The following CLDN16 variants were observed in gnomAD, a reference collection of about 807,000 sequenced individuals.
CLDN16 encodes claudin-16.
In CLDN16, 13 loss-of-function variants were observed where a neutral mutation model predicts 24.6. That is an observed-to-expected ratio of 0.53 (90% CI 0.34 to 0.84). The LOEUF is 0.84. Ranked by LOEUF, CLDN16 falls within the 40% of genes least tolerant of loss-of-function variation. The probability of loss-of-function intolerance (pLI) is 0.01; values close to 1 mark genes in which losing one functional copy is unlikely to be tolerated. For synonymous variants in CLDN16, 116 were observed against 106.7 expected, an observed-to-expected ratio of 1.09 and a Z score of -0.54; for missense variants, 298 against 292.7, an observed-to-expected ratio of 1.02 and a Z score of -0.13.
intron 1 of CLDN16, among the ~76,000 whole-genome samples, chr3:190,351,069 T>C (rs1480049268): frequency 6.6e-6 from 1 of 152,026 alleles, no homozygotes. Flanking sequence ...TGAGTGGTAA[T>C]TGAGTTCGTG....
At chr3:190,366,610 T>C (rs1188304470) in intron 1 of CLDN16, among the ~76,000 whole-genome samples, 1 of 151,922 alleles carries the variant, frequency 6.6e-6, no homozygotes, top group African/African-American at 2.4e-5. Flanking sequence ...AAAGTTAAAC[T>C]TTGATACACT....
intron 1 of CLDN16, among the ~76,000 whole-genome samples, chr3:190,343,113 T>C (rs1180133828): frequency 1.3e-5 from 2 of 151,640 alleles, no homozygotes; most frequent in Admixed American, 1.3e-4. Flanking sequence ...AACTCAATAG[T>C]GAGAAAACTT....
chr3:190,410,107 T>C lies in CLDN16; in HGVS notation c.*71T>C. ...ATGGTTACATTGATAAAATAGTAAG[T>C]CAATCCAGGAACAGTTATTTAGAAT... On this transcript the variant is annotated 3_prime_UTR_variant, in exon 5 of 5. Coordinates refer to ENST00000264734, the MANE Select transcript of CLDN16 (RefSeq NM_006580.4). 6.6e-7 allele frequency: 1 copy of C among 1,509,058 alleles called. No individual in the cohort carries two copies. The highest frequency in any genetic ancestry group is 9.2e-7 in the Non-Finnish European group (1 of 1,084,210). 93.5% of individuals were successfully genotyped at this position (1,509,058 alleles called of 1,614,324 possible). A position where few individuals can be genotyped will look rare whatever the true frequency, so the allele number is the denominator to read the frequency against.
upstream of CLDN16, among the ~76,000 whole-genome samples, chr3:190,387,549 T>C (rs1718536498): frequency 6.6e-6 from 1 of 152,222 alleles, no homozygotes. Flanking sequence ...AAAGAAAATA[T>C]TAATACATGC....
chr3:190,337,621 C>T (rs548348662), intron 1 of CLDN16, among the ~76,000 whole-genome samples: 12 of 152,318 alleles, frequency 7.9e-5, no homozygotes, highest in South Asian at 6.2e-4. Context: ...TGATAATATT[C>T]TTTGACAAAA....
chr3:190,388,495 T>G, intron 1 of CLDN16, 52 bp downstream of exon 1: 1 of 1,516,404 alleles, frequency 6.6e-7, no homozygotes, highest in Non-Finnish European at 9.2e-7. Context: ...AAATTTTCGC[T>G]AAGTCCCAAC....
intron 1 of CLDN16, among the ~76,000 whole-genome samples, chr3:190,391,526 CA>C (rs1654776932): frequency 6.6e-6 from 1 of 152,092 alleles, no homozygotes; most frequent in African/African-American, 2.4e-5. Context: ...GCCATCGAAG[CA>C]GGTCTCATGA....
upstream of CLDN16, among the ~76,000 whole-genome samples, chr3:190,386,048 A>G (rs2108656443): frequency 6.6e-6 from 1 of 152,268 alleles, no homozygotes; most frequent in Admixed American, 6.5e-5. Context: ...TAGCAGGTAA[A>G]GTACACTGTG....
chr3:190,316,429 A>G, the CLDN16 span, among the ~76,000 whole-genome samples: 3 of 152,238 alleles, frequency 2.0e-5, no homozygotes, highest in South Asian at 6.2e-4. Flanking sequence ...ACATGTAGTC[A>G]CGCACAAAAA....
intron 4 of CLDN16, among the ~76,000 whole-genome samples, chr3:190,408,724 C>A (rs564104450): frequency 6.6e-6 from 1 of 150,686 alleles, no homozygotes; most frequent in East Asian, 1.9e-4. Flanking sequence ...CAACTACAAG[C>A]ATGTCCAATA....
intron 1 of CLDN16, among the ~76,000 whole-genome samples, chr3:190,328,132 T>C (rs1308713261): frequency 2.1e-5 from 3 of 141,088 alleles, no homozygotes; most frequent in African/African-American, 5.4e-5. Context: ...AAAAAAAAAA[T>C]AGCTAGACAT....
upstream of CLDN16, among the ~76,000 whole-genome samples, chr3:190,386,677 G>A (rs993832043): frequency 5.9e-5 from 9 of 152,136 alleles, no homozygotes; most frequent in Non-Finnish European, 1.3e-4. Flanking sequence ...ATTAACCACT[G>A]GTAACTGAAG....
intron 1 of CLDN16, among the ~76,000 whole-genome samples, chr3:190,354,076 C>G (rs1215798969): frequency 6.6e-6 from 1 of 151,986 alleles, no homozygotes; most frequent in Non-Finnish European, 1.5e-5. Flanking sequence ...TCACTCCAAT[C>G]TCTGTCGGTT....
At chr3:190,394,208 G>T (rs1034705470) in intron 1 of CLDN16, among the ~76,000 whole-genome samples, 5 of 152,070 alleles carry the variant, frequency 3.3e-5, no homozygotes, top group Non-Finnish European at 5.9e-5. Flanking sequence ...TACAAGATAT[G>T]CAATTCTTAA....
At chr3:190,382,489 A>G (rs1007634069) in intron 3 of CLDN16, among the ~76,000 whole-genome samples, 1 of 152,096 alleles carries the variant, frequency 6.6e-6, no homozygotes, top group African/African-American at 2.4e-5. Context: ...CACATTGGAG[A>G]TGTCAATTAT....
At chr3:190,303,968 A>G in the CLDN16 span, among the ~76,000 whole-genome samples, 2 of 152,166 alleles carry the variant, frequency 1.3e-5, no homozygotes, top group African/African-American at 4.8e-5. Flanking sequence ...CAGCAAATCT[A>G]TTAAGTGCCT....
chr3:190,343,725 T>C (rs1717488168), intron 1 of CLDN16, among the ~76,000 whole-genome samples: 1 of 152,014 alleles, frequency 6.6e-6, no homozygotes, highest in African/African-American at 2.4e-5. Context: ...ATCACATGAC[T>C]TCACTTATAT....
At chr3:190,398,561 T>A (rs1219182030) in intron 1 of CLDN16, among the ~76,000 whole-genome samples, 6 of 152,206 alleles carry the variant, frequency 3.9e-5, no homozygotes, top group Admixed American at 3.9e-4. Flanking sequence ...AGATCCTTTT[T>A]CCAAATAAGG....
At chr3:190,319,856 G>T (rs1267735650), upstream of CLDN16, among the ~76,000 whole-genome samples, 3 of 152,230 alleles carry the variant, frequency 2.0e-5, no homozygotes, top group Admixed American at 2.0e-4. Flanking sequence ...CTCAGGCAGA[G>T]AAATGAAGTA....
Sources: allele counts gnomAD v4.1 joint callset (sites outside exome capture counted in the v4.1 genomes callset), GRCh38; gene constraint gnomAD v4.1.1; transcripts MANE v1.5; gene names NCBI Gene and HGNC (gene_info 2026-07-23, HGNC 2026-07-21).